SCFD2: variants seen among roughly 807,000 people sequenced by gnomAD.
The protein encoded by SCFD2 is sec1 family domain-containing protein 2.
SCFD2 carries 54 observed loss-of-function variants against 58.9 expected under a neutral mutation model. The ratio of observed to expected loss-of-function variants is 0.92; its 90% CI spans 0.74 to 1.15. The LOEUF is 1.15. Ranked by LOEUF, SCFD2 falls within the 50% of genes most tolerant of loss-of-function variation. The pLI, the probability that SCFD2 is intolerant of heterozygous loss-of-function variation, is 0.00. For synonymous variants in SCFD2, 321 were observed against 335.9 expected (o/e 0.96, Z 0.49); for missense variants, 805 against 836.6 (o/e 0.96, Z 0.47).
intron 5 of SCFD2, among the ~76,000 whole-genome samples, chr4:53,060,221 A>G (rs575838098): frequency 6.6e-5 from 10 of 152,278 alleles, no homozygotes; most frequent in Admixed American, 1.3e-4. Context: ...CTAAGGAACT[A>G]GAGGCCCCAT....
chr4:52,995,299 G>C (rs748569133), intron 5 of SCFD2, among the ~76,000 whole-genome samples: 1 of 152,050 alleles, frequency 6.6e-6, no homozygotes. Flanking sequence ...AATAGGGTTC[G>C]CACTCCCAAG....
chr4:52,874,029 T>A lies in SCFD2; in HGVS notation c.1995A>T (p.Pro665=). 2 of 1,614,054 alleles carry A rather than the reference T, an allele frequency of 1.2e-6. No homozygotes were observed. Among genetic ancestry groups the A allele is most frequent in the Non-Finnish European group, 8.5e-7 (1 of 1,179,974 alleles). ...CAAATAACAGCTCAGGAATGTTAAGTGGCTTCAGGAGTCGTGTGGACAGCA... is the reference window on the plus strand; with the variant it reads ...CAAATAACAGCTCAGGAATGTTAAGAGGCTTCAGGAGTCGTGTGGACAGCA... ...VIVLSTRLLK[P]LNIPELLFAT... is the part of the protein sequence containing the mutation. Residue 665 remains proline, a synonymous_variant, in exon 9 of 9, where the codon CCA becomes CCT. Transcript: ENST00000401642.
rs79941798 is a variant in SCFD2 at position 53,184,498 on chromosome 4, G to C, written c.1312-38916C>G. Among the ~76,000 whole-genome samples the C allele has an allele frequency of 8.3e-3, 1,270 of 152,206 alleles. 19 individuals are homozygous for C. The highest frequency in any genetic ancestry group is 0.029 in the African/African-American group (1,211 of 41,544). The stretch of plus-strand genomic sequence containing the variant: ...ACTGGAACCCTCATACCAAGAAATT[G>C]CATTGCCAGCTCTAGACCACTGATG... On this transcript the variant is annotated intron_variant, in intron 4 of 8. Transcript: ENST00000401642.
At chr4:53,215,239 T>C (rs2148986866) in intron 4 of SCFD2, among the ~76,000 whole-genome samples, 1 of 152,232 alleles carries the variant, frequency 6.6e-6, no homozygotes, top group Middle Eastern at 3.4e-3. Context: ...TAAATTACCT[T>C]GGGCAATATG....
intron 5 of SCFD2, among the ~76,000 whole-genome samples, chr4:52,952,528 C>T (rs1183437162): frequency 1.3e-5 from 2 of 152,158 alleles, no homozygotes; most frequent in African/African-American, 4.8e-5. Flanking sequence ...AAAAGTTTAT[C>T]TTCTCTCCCA....
At chr4:53,087,113 T>C (rs982108110) in intron 5 of SCFD2, among the ~76,000 whole-genome samples, 1 of 152,140 alleles carries the variant, frequency 6.6e-6, no homozygotes, top group Non-Finnish European at 1.5e-5. Flanking sequence ...ATTGCATGTA[T>C]AAAAGTATCT....
chr4:53,330,365 A>C (rs1389781081), intron 2 of SCFD2, among the ~76,000 whole-genome samples: 2 of 152,068 alleles, frequency 1.3e-5, no homozygotes, highest in Non-Finnish European at 2.9e-5. Flanking sequence ...GTTACCCTCA[A>C]AGGGAAGCCC....
intron 3 of SCFD2, among the ~76,000 whole-genome samples, chr4:53,289,653 T>C (rs1731776787): frequency 6.6e-6 from 1 of 151,904 alleles, no homozygotes; most frequent in South Asian, 2.1e-4. Flanking sequence ...TATAAATGGA[T>C]TAAAGTCACC....
chr4:53,145,346 C>G lies in SCFD2; in HGVS notation c.1548G>C (p.Leu516=). The G allele has an allele frequency of 1.2e-6, 2 of 1,613,358 alleles. No homozygotes were observed. Among genetic ancestry groups the G allele is most frequent in the Non-Finnish European group, 1.7e-6 (2 of 1,179,780 alleles). The change falls in exon 5 of 9, where the codon CTG becomes CTC. Residue 516 remains leucine (L), a synonymous_variant. Transcript: ENST00000401642. ...FCEESGLSPL[L]QKITDWDSSI... The stretch of plus-strand genomic sequence containing the variant: ...TTAGACACTCACCCGTAATTTTTTG[C>G]AGCAAAGGTGACAATCCAGATTCCT...
intron 6 of SCFD2, among the ~76,000 whole-genome samples, chr4:52,916,570 T>A (rs1719613112): frequency 6.6e-6 from 1 of 152,132 alleles, no homozygotes; most frequent in African/African-American, 2.4e-5. Context: ...TGAGACTCTG[T>A]CTCAAAAACA....
chr4:53,029,437 T>G (rs537169848), intron 5 of SCFD2, among the ~76,000 whole-genome samples: 9 of 152,338 alleles, frequency 5.9e-5, no homozygotes, highest in Admixed American at 2.0e-4. Context: ...TTCTTTCTTT[T>G]CTTTCTTTAG....
chr4:53,046,812 C>T (rs1175784548), intron 5 of SCFD2, among the ~76,000 whole-genome samples: 1 of 152,070 alleles, frequency 6.6e-6, no homozygotes, highest in African/African-American at 2.4e-5. Context: ...GGATTACAGG[C>T]ACGCGCCACC....
chr4:53,125,355 G>A (rs555589772), intron 5 of SCFD2, among the ~76,000 whole-genome samples: 31 of 152,274 alleles, frequency 2.0e-4, no homozygotes, highest in South Asian at 1.9e-3. Context: ...ATTATAACAC[G>A]TCAGATGAGA....
At chr4:53,243,774 G>A (rs1257363133) in intron 4 of SCFD2, among the ~76,000 whole-genome samples, 2 of 151,888 alleles carry the variant, frequency 1.3e-5, no homozygotes, top group African/African-American at 4.8e-5. Flanking sequence ...GACACCCATA[G>A]GCACAAAATA....
intron 3 of SCFD2, among the ~76,000 whole-genome samples, chr4:53,303,315 A>T (rs938978765): frequency 3.9e-5 from 6 of 152,254 alleles, no homozygotes; most frequent in African/African-American, 1.4e-4. Context: ...ACTTCTCAAA[A>T]GAAGACATTT....
intron 4 of SCFD2, among the ~76,000 whole-genome samples, chr4:53,271,325 A>T (rs56734661): frequency 6.2e-4 from 94 of 152,048 alleles, no homozygotes; most frequent in African/African-American, 2.2e-3. Flanking sequence ...GCACACACAC[A>T]CACACACAGC....
intron 5 of SCFD2, among the ~76,000 whole-genome samples, chr4:52,974,031 G>T (rs1721183503): frequency 6.6e-6 from 1 of 152,166 alleles, no homozygotes; most frequent in African/African-American, 2.4e-5. Context: ...AAAATAGTAA[G>T]AGCTATCTAT....
intron 5 of SCFD2, chr4:52,948,584 G>A (rs1355539442): frequency 2.2e-6 from 1 of 454,200 alleles, no homozygotes; most frequent in South Asian, 1.6e-5. Context: ...GTTCCTAGTG[G>A]GGACATGCCA....
intron 5 of SCFD2, among the ~76,000 whole-genome samples, chr4:53,135,686 G>A (rs1725915209): frequency 1.3e-5 from 2 of 151,928 alleles, no homozygotes; most frequent in South Asian, 2.1e-4. Flanking sequence ...AGGTTGCAGT[G>A]AGCCAAGATT....
Sources: allele counts gnomAD v4.1 joint callset (sites outside exome capture counted in the v4.1 genomes callset), GRCh38; gene constraint gnomAD v4.1.1; transcripts MANE v1.5; gene names NCBI Gene and HGNC (gene_info 2026-07-23, HGNC 2026-07-21).